Variants in SAXO2 observed in about 807,000 individuals in gnomAD.
SAXO2 encodes the protein stabilizer of axonemal microtubules 2, also known as family with sequence similarity 154, member B.
Under a neutral mutation model 18.7 loss-of-function variants are expected in SAXO2, and 17 were observed. That is an observed-to-expected ratio of 0.91 (90% confidence interval 0.62 to 1.36). The LOEUF is 1.36. SAXO2 is among the 40% of genes most tolerant of loss of function. The pLI, the probability that SAXO2 is intolerant of heterozygous loss-of-function variation, is 0.00. For synonymous variants in SAXO2, 163 were observed against 181.2 expected (o/e 0.90, Z 0.81); for missense variants, 486 against 562.6 (o/e 0.86, Z 1.38).
intron 2 of SAXO2, among the ~76,000 whole-genome samples, chr15:82,267,515 A>C (rs2075230934): frequency 2.0e-5 from 3 of 152,272 alleles, no homozygotes; most frequent in East Asian, 1.9e-4. Context: ...TCTTCCTTTC[A>C]CAAGTTGAAG....
chr15:82,282,772 C>T lies in SAXO2; in HGVS notation c.1087C>T (p.Gln363Ter), dbSNP rs747376901. 29 of 1,614,034 alleles carry T rather than the reference C, an allele frequency of 1.8e-5. No homozygotes were observed. The South Asian group carries it at 3.2e-4, about 18-fold the overall frequency. ...TTGTCGTCAAGGACTTATTAAGAAG[C>T]AGCAGCAGATTCCCAACCCATCTGG... ...ESCRQGLIKK[Q>*]QQIPNPSGKF... The change falls in exon 4 of 4, where the codon CAG (glutamine) becomes TAG (stop). Residue 363 changes from glutamine (Q) to a stop codon, truncating the protein, a stop_gained. Transcript: ENST00000682753. LOFTEE classifies it high-confidence loss of function.
At chr15:82,264,736 C>T in intron 1 of SAXO2, 1 of 702,380 alleles carries the variant, frequency 1.4e-6, no homozygotes, top group Non-Finnish European at 2.6e-6. Flanking sequence ...GAGCTGTAGA[C>T]TCCAGAATCA....
Position 82,270,374 on chromosome 15 carries a change from T to C in SAXO2, c.234-1229T>C, listed in dbSNP as rs2075259778. ...CAGTGTGCACAATAATGTCAATTACTGTTGGAGAGGTCAGGTAAGATGAGG... is the reference window on the plus strand; with the variant it reads ...CAGTGTGCACAATAATGTCAATTACCGTTGGAGAGGTCAGGTAAGATGAGG... On this transcript the variant is annotated intron_variant, in intron 2 of 3. Coordinates refer to ENST00000682753, the MANE Select transcript of SAXO2 (RefSeq NM_001348699.2). 7.9e-5 allele frequency among the ~76,000 whole-genome samples: 12 copies of C among 152,330 alleles called. 1 individual carries two copies. The South Asian group carries it at 2.5e-3, about 32-fold the overall frequency.
At chr15:82,267,837 C>T (rs1205339718) in intron 2 of SAXO2, among the ~76,000 whole-genome samples, 2 of 152,160 alleles carry the variant, frequency 1.3e-5, no homozygotes, top group Non-Finnish European at 2.9e-5. Flanking sequence ...GTTAAAATTG[C>T]AGACTCCAGA....
intron 1 of SAXO2, chr15:82,263,465 G>C (rs2075163501): frequency 2.8e-6 from 2 of 702,158 alleles, no homozygotes; most frequent in African/African-American, 3.5e-5. Flanking sequence ...CTGAAATCTA[G>C]AATCCAACTG....
In SAXO2 at chr15:82,284,025, CAT is replaced by C. The variant is rs1199096856; in HGVS notation, c.*966_*967del. On this transcript the variant is annotated 3_prime_UTR_variant, in exon 4 of 4. Transcript: ENST00000682753. ...ATTTGTACTACCTTAGGCAGTGACT[CAT>C]ATCTCTGAGCCTCAGTGTCTTTATT... The C allele has an allele frequency of 2.0e-5, 3 of 152,212 alleles. No individual in the cohort carries two copies. The highest frequency in any genetic ancestry group is 6.5e-5 in the Admixed American group (1 of 15,278). 9.4% of individuals were successfully genotyped at this position (152,212 alleles called of 1,614,324 possible). A position where few individuals can be genotyped will look rare whatever the true frequency, so the allele number is the denominator to read the frequency against.
At chr15:82,277,301 TG>T (rs1162978020) in intron 3 of SAXO2, among the ~76,000 whole-genome samples, 1 of 152,126 alleles carries the variant, frequency 6.6e-6, no homozygotes, top group Non-Finnish European at 1.5e-5. Context: ...TAAGTGTAAA[TG>T]AACAAAATAT....
intron 3 of SAXO2, among the ~76,000 whole-genome samples, chr15:82,273,452 C>T (rs1000799907): frequency 5.3e-5 from 8 of 152,076 alleles, no homozygotes; most frequent in African/African-American, 1.4e-4. Context: ...TTAAATTTCA[C>T]GCCTACCCAT....
At chr15:82,273,566 A>C (rs970153512) in intron 3 of SAXO2, among the ~76,000 whole-genome samples, 2 of 152,152 alleles carry the variant, frequency 1.3e-5, no homozygotes, top group African/African-American at 4.8e-5. Flanking sequence ...ATCTTTGAGC[A>C]CATAACATAC....
In SAXO2 at chr15:82,271,797, A is replaced by C; in HGVS notation, c.428A>C (p.Tyr143Ser). ...GGAAAATTGGACACTGTCCCAACCTATAAAGGTAACTTGCTGTTTCATACA... is the reference window on the plus strand; with the variant it reads ...GGAAAATTGGACACTGTCCCAACCTCTAAAGGTAACTTGCTGTTTCATACA... ...KKGKLDTVPT[Y>S]KDDYRAWDLH... The change falls in exon 3 of 4, where the codon TAT becomes TCT. Residue 143 changes from tyrosine to serine, a missense_variant. Transcript: ENST00000682753. 6.2e-7 allele frequency: 1 copy of C among 1,610,848 alleles called. No individual in the cohort carries two copies. The highest frequency in any genetic ancestry group is 8.5e-7 in the Non-Finnish European group (1 of 1,179,160).
chr15:82,273,436 T>C (rs750943396), intron 3 of SAXO2, among the ~76,000 whole-genome samples: 8 of 152,180 alleles, frequency 5.3e-5, no homozygotes, highest in Admixed American at 2.0e-4. Flanking sequence ...AATGCCTATT[T>C]TATCTTTAAA....
At chr15:82,264,368 A>ATT (rs112443463) in intron 1 of SAXO2, among the ~76,000 whole-genome samples, 2,630 of 142,370 alleles carry the variant, frequency 0.018, 26 homozygotes, top group Non-Finnish European at 0.027. Context: ...GCCTGCATTG[A>ATT]TTTTTTTTTT....
At chr15:82,266,152 A>G (rs1197768626) in intron 2 of SAXO2, among the ~76,000 whole-genome samples, 1 of 151,918 alleles carries the variant, frequency 6.6e-6, no homozygotes, top group African/African-American at 2.4e-5. Context: ...CAACAAAAAA[A>G]AAATCACAAA....
At chr15:82,279,390 A>G (rs1023397024) in intron 3 of SAXO2, among the ~76,000 whole-genome samples, 6 of 152,224 alleles carry the variant, frequency 3.9e-5, no homozygotes, top group African/African-American at 1.4e-4. Flanking sequence ...AGTCAATTAA[A>G]CAGAACCTTA....
intron 1 of SAXO2, 122 bp downstream of exon 1, chr15:82,263,054 G>A: frequency 2.6e-6 from 4 of 1,526,794 alleles, no homozygotes; most frequent in Non-Finnish European, 3.5e-6. Flanking sequence ...AGGGACGAGG[G>A]CGCAGCGACA....
chr15:82,264,340 C>T (rs1263603716), intron 1 of SAXO2, among the ~76,000 whole-genome samples: 2 of 151,192 alleles, frequency 1.3e-5, no homozygotes, highest in African/African-American at 4.9e-5. Context: ...GGATTACAGG[C>T]GTGAGCCACT....
At chr15:82,266,976 A>G in intron 2 of SAXO2, among the ~76,000 whole-genome samples, 1 of 152,236 alleles carries the variant, frequency 6.6e-6, no homozygotes, top group Non-Finnish European at 1.5e-5. Flanking sequence ...AGGTGGATTA[A>G]GTATTACATT....
chr15:82,272,458 C>T (rs2075280745), intron 3 of SAXO2, among the ~76,000 whole-genome samples: 1 of 152,204 alleles, frequency 6.6e-6, no homozygotes, highest in Admixed American at 6.5e-5. Context: ...AATACTTTCT[C>T]TTTGCAGGCA....
chr15:82,267,742 AC>A (rs1190809677), intron 2 of SAXO2, among the ~76,000 whole-genome samples: 1 of 152,186 alleles, frequency 6.6e-6, no homozygotes, highest in Non-Finnish European at 1.5e-5. Context: ...GACTCTAGTT[AC>A]TAGTGTAGGG....
Sources: allele counts gnomAD v4.1 joint callset (sites outside exome capture counted in the v4.1 genomes callset), GRCh38; gene constraint gnomAD v4.1.1; transcripts MANE v1.5; gene names NCBI Gene and HGNC (gene_info 2026-07-23, HGNC 2026-07-21).